The following PDLIM7 variants were observed in gnomAD, a reference collection of about 807,000 sequenced individuals.
The protein encoded by PDLIM7 is PDZ and LIM domain protein 7.
A neutral mutation model predicts 53.9 loss-of-function variants in PDLIM7; 37 were observed. The observed-to-expected ratio is 0.69, with a 90% CI of 0.53 to 0.90. The LOEUF (loss-of-function observed/expected upper bound fraction) is 0.90. Ranked by LOEUF, PDLIM7 falls within the 40% of genes least tolerant of loss-of-function variation. PDLIM7 has a pLI of 0.00. For synonymous variants in PDLIM7, 300 were observed against 261.3 expected, an observed-to-expected ratio of 1.15 and a Z score of -1.43; for missense variants, 617 against 638.5, an observed-to-expected ratio of 0.97 and a Z score of 0.36.
At chr5:177,484,765 T>C (rs779911135) in intron 10 of PDLIM7, 38 of 157,486 alleles carry the variant, frequency 2.4e-4, no homozygotes, top group Admixed American at 4.3e-4. Context: ...CCAAGCCCCA[T>C]GCAGAGGCTG....
At position 177,493,310 on chromosome 5, in the gene PDLIM7, C is replaced by T. The variant is rs141205463; in HGVS notation, c.97-633G>A. ...GGACCTAAGTTGACAGCTGGGACTTCGTAGGCCATACATGGCTGTCACTCC... is the reference window on the plus strand; with the variant it reads ...GGACCTAAGTTGACAGCTGGGACTTTGTAGGCCATACATGGCTGTCACTCC... On this transcript the variant is annotated intron_variant, in intron 2 of 12. Transcript: ENST00000355841. 2.0e-3 allele frequency among the ~76,000 whole-genome samples: 311 copies of T among 152,328 alleles called. 3 individuals carry two copies. The highest frequency in any genetic ancestry group is 7.1e-3 in the African/African-American group (297 of 41,566).
At chr5:177,486,947 T>C (rs1758493271) in intron 10 of PDLIM7, among the ~76,000 whole-genome samples, 1 of 99,936 alleles carries the variant, frequency 1.0e-5, no homozygotes, top group Non-Finnish European at 1.9e-5. Context: ...TTTTTTTTTT[T>C]TTTTTTTTTT....
intron 10 of PDLIM7, among the ~76,000 whole-genome samples, chr5:177,485,378 G>A (rs917946940): frequency 1.3e-5 from 2 of 152,202 alleles, no homozygotes; most frequent in African/African-American, 4.8e-5. Context: ...GCCAGGGCCA[G>A]CAGTATTCAC....
rs749691460 is a variant in PDLIM7 at position 177,483,930 on chromosome 5, G to A, written c.1224C>T (p.Asp408=). 24 of 1,613,900 alleles carry A rather than the reference G, an allele frequency of 1.5e-5. No homozygotes were observed. Among genetic ancestry groups the A allele is most frequent in the Non-Finnish European group, 1.9e-5 (23 of 1,179,996 alleles). ...GGGCCTCCAGGAAGCGGTCCCCAGC[G>A]TCGATCTTGAAGTCACAGCCATGGC... The part of the protein sequence containing the change: ...TKCHGCDFKI[D]AGDRFLEALG... The change falls in exon 12 of 13, where the codon GAC becomes GAT. Residue 408 remains aspartate, a synonymous_variant. Coordinates refer to ENST00000355841, the MANE Select transcript of PDLIM7 (RefSeq NM_005451.5).
intron 1 of PDLIM7, among the ~76,000 whole-genome samples, chr5:177,497,135 G>T (rs1218738634): frequency 6.6e-6 from 1 of 151,864 alleles, no homozygotes; most frequent in Non-Finnish European, 1.5e-5. Flanking sequence ...TGAAGAAGGG[G>T]AAGGCGGGAG....
intron 2 of PDLIM7, chr5:177,492,955 T>C (rs888253420): frequency 6.5e-6 from 3 of 463,090 alleles, no homozygotes; most frequent in African/African-American, 3.9e-5. Flanking sequence ...TCACGATGCT[T>C]ATCTATTCAC....
rs529881762 is a variant in PDLIM7 at position 177,490,562 on chromosome 5, G to A, written c.572+308C>T. On this transcript the variant is annotated intron_variant, in intron 7 of 12. Transcript: ENST00000355841. ...TGCCAGTCCCGGAGGCGGGTGTAGC[G>A]TGGGCTCTGCAGCTCCAGGACATAC... The A allele has an allele frequency of 6.6e-5, 103 of 1,561,990 alleles. No individual in the cohort carries two copies. In the Middle Eastern group the frequency reaches 8.5e-4, roughly 13 times the overall value.
intron 10 of PDLIM7, 72 bp from the exon 11 acceptor site, chr5:177,484,262 A>T: frequency 6.3e-7 from 1 of 1,578,394 alleles, no homozygotes; most frequent in South Asian, 1.1e-5. Flanking sequence ...GGAACACAGG[A>T]GGGCTGGCCG....
At chr5:177,497,341 A>T (rs935086706) in intron 1 of PDLIM7, among the ~76,000 whole-genome samples, 187 bp downstream of exon 1, 5 of 151,820 alleles carry the variant, frequency 3.3e-5, no homozygotes, top group African/African-American at 1.2e-4. Context: ...GAAGCGGCGC[A>T]GGCGCCAATC....
intron 6 of PDLIM7, 42 bp from the exon 7 acceptor site, chr5:177,490,948 G>C (rs1758740073): frequency 1.2e-6 from 2 of 1,613,800 alleles, no homozygotes; most frequent in African/African-American, 2.7e-5. Context: ...AAGACACAGG[G>C]TCAGGGATCA....
At chr5:177,489,871 T>C in intron 7 of PDLIM7, 39 bp from the exon 8 acceptor site, 1 of 1,558,670 alleles carries the variant, frequency 6.4e-7, no homozygotes, top group Non-Finnish European at 8.7e-7. Context: ...ATGGCTGAGC[T>C]TCCTGACATG....
intron 7 of PDLIM7, chr5:177,490,465 G>A (rs1581758291): frequency 1.3e-6 from 2 of 1,542,352 alleles, no homozygotes; most frequent in Non-Finnish European, 1.7e-6. Flanking sequence ...AAAGAGGGAG[G>A]CAGAGAGGGC....
chr5:177,495,334 G>C (rs1759015463), intron 2 of PDLIM7, among the ~76,000 whole-genome samples: 2 of 152,170 alleles, frequency 1.3e-5, no homozygotes. Flanking sequence ...CCCCTCCTCA[G>C]GCCACGACCC....
chr5:177,492,383 G>C, intron 4 of PDLIM7, 22 bp downstream of exon 4: 1 of 1,612,216 alleles, frequency 6.2e-7, no homozygotes, highest in Non-Finnish European at 8.5e-7. Flanking sequence ...CCACCGCCCG[G>C]ATGTCCCGGC....
chr5:177,486,883 G>T (rs1249007233), intron 10 of PDLIM7, among the ~76,000 whole-genome samples: 1 of 144,818 alleles, frequency 6.9e-6, no homozygotes, highest in South Asian at 2.2e-4. Context: ...CGCCCATCTC[G>T]GCCTCCCAAA....
At chr5:177,488,501 G>A (rs922958335) in intron 9 of PDLIM7, among the ~76,000 whole-genome samples, 8 of 152,214 alleles carry the variant, frequency 5.3e-5, no homozygotes, top group South Asian at 2.1e-4. Flanking sequence ...GGGAGGAAGG[G>A]CTGACGACTG....
In PDLIM7 at chr5:177,489,545, C is replaced by G. The variant is rs760525247; in HGVS notation, c.717G>C (p.Thr239=). The change falls in exon 9 of 13, where the codon ACG becomes ACC. Residue 239 remains threonine, a synonymous_variant. Coordinates refer to ENST00000355841, the MANE Select transcript of PDLIM7 (RefSeq NM_005451.5). ...GGCTGTGCCGGGTCAGCACTGTGCT[C>G]GTTTTGTCCGGGGCATAGCGCTCGG... ...AFAERYAPDK[T]STVLTRHSQP... is the part of the protein sequence containing the mutation. 1.4e-5 allele frequency: 22 copies of G among 1,610,580 alleles called. No homozygotes were observed. The South Asian group carries it at 2.0e-4, about 15-fold the overall frequency.
rs1758803431 is a variant in PDLIM7 at position 177,491,799 on chromosome 5, C to T, written c.398+8G>A. ...GGCGTGGGCGCGGGCGGGCAGGGGC[C>T]GACGTACCCATTCTGCTGCGGGGCG... On this transcript the variant is annotated splice_region_variant and intron_variant, in intron 5 of 12. Transcript: ENST00000355841. 1.1e-5 allele frequency: 13 copies of T among 1,234,244 alleles called. No individual in the cohort carries two copies. The East Asian group carries it at 2.9e-4, about 27-fold the overall frequency. The allele number at this position is 1,234,244 out of a possible 1,614,324, so 76.5% of individuals were successfully genotyped here.
intron 12 of PDLIM7, 67 bp downstream of exon 12, chr5:177,483,800 G>A: frequency 1.3e-6 from 2 of 1,581,614 alleles, no homozygotes; most frequent in Non-Finnish European, 1.7e-6. Context: ...AACTTCTCCT[G>A]CATCTCCTGG....
Sources: allele counts gnomAD v4.1 joint callset (sites outside exome capture counted in the v4.1 genomes callset), GRCh38; gene constraint gnomAD v4.1.1; transcripts MANE v1.5; gene names NCBI Gene and HGNC (gene_info 2026-07-23, HGNC 2026-07-21).